RNF214: variants seen among roughly 807,000 people sequenced by gnomAD.
The protein encoded by RNF214 is ring finger protein 214.
RNF214 carries 25 observed loss-of-function variants against 75.9 expected under a neutral mutation model. That is an observed-to-expected ratio of 0.33 (90% CI 0.24 to 0.46). The LOEUF (loss-of-function observed/expected upper bound fraction) is 0.46, where lower values mean the gene tolerates loss of function less well. RNF214 is among the 20% of genes least tolerant of loss of function. The pLI, the probability that RNF214 is intolerant of heterozygous loss-of-function variation, is 1.00. For missense variants in RNF214, 725 were observed against 857.5 expected, an observed-to-expected ratio of 0.85 and a Z score of 1.93; for synonymous variants, 314 against 308.8, an observed-to-expected ratio of 1.02 and a Z score of -0.18.
At position 117,282,012 on chromosome 11, in the gene RNF214, C is replaced by G. The variant is rs750731603; in HGVS notation, c.1454C>G (p.Ser485Cys). 6.2e-7 allele frequency: 1 copy of G among 1,614,092 alleles called. No homozygotes were observed. The stretch of plus-strand genomic sequence containing the variant: ...CCCAGTGCAGATCCCCGCTCCTTGT[C>G]TTTCCCAATCCTGAACCCTGCCCTT... ...VMPSADPRSLSFPILNPALSQ... is the reference protein window; with the variant it reads ...VMPSADPRSLCFPILNPALSQ... Residue 485 changes from serine to cysteine, a missense_variant, in exon 11 of 15, where the codon TCT becomes TGT. Transcript: ENST00000300650.
chr11:117,247,079 C>A, intron 6 of RNF214, 131 bp downstream of exon 6: 1 of 683,714 alleles, frequency 1.5e-6, no homozygotes, highest in Non-Finnish European at 2.3e-6. Context: ...AGTAAAAACT[C>A]TCCAATGACT....
chr11:117,246,225 A>C (rs1415088017), intron 5 of RNF214, among the ~76,000 whole-genome samples: 1 of 152,118 alleles, frequency 6.6e-6, no homozygotes, highest in African/African-American at 2.4e-5. Flanking sequence ...TGGGTTCCCA[A>C]AGTACAAGGA....
chr11:117,237,174 G>A (rs769766451), intron 2 of RNF214, among the ~76,000 whole-genome samples: 10 of 152,116 alleles, frequency 6.6e-5, no homozygotes, highest in Non-Finnish European at 1.2e-4. Context: ...CCACCTCCTG[G>A]GCTTAAGCAG....
chr11:117,243,174 T>C (rs1206103600), intron 4 of RNF214, among the ~76,000 whole-genome samples: 1 of 152,032 alleles, frequency 6.6e-6, no homozygotes, highest in East Asian at 1.9e-4. Context: ...TGAGACGGAG[T>C]CTCGCTCTGT....
chr11:117,238,494 T>G (rs2032974109), intron 2 of RNF214, 107 bp from the exon 3 acceptor site: 3 of 952,268 alleles, frequency 3.2e-6, no homozygotes, highest in Non-Finnish European at 4.7e-6. Context: ...TGAAACTAAG[T>G]TCTTTCATTA....
rs1236145864 is a variant in RNF214 at position 117,232,700 on chromosome 11, C to G, written c.-33C>G. Reference sequence around the variant, plus strand: ...GACCCCTCCCCCCGTGGCTCGGCCGCCCCCTCCCCCCGCTCCGCCCGCTCA... The same window carrying G: ...GACCCCTCCCCCCGTGGCTCGGCCGGCCCCTCCCCCCGCTCCGCCCGCTCA... On this transcript the variant is annotated 5_prime_UTR_variant, in exon 1 of 15. Coordinates refer to ENST00000300650, the MANE Select transcript of RNF214 (RefSeq NM_207343.4). The G allele has an allele frequency of 6.6e-6, 1 of 150,864 alleles. No homozygotes were observed. 9.3% of individuals were successfully genotyped at this position (150,864 alleles called of 1,614,324 possible).
intron 6 of RNF214, among the ~76,000 whole-genome samples, chr11:117,266,564 C>T (rs1216179528): frequency 6.6e-6 from 1 of 151,976 alleles, no homozygotes; most frequent in Admixed American, 6.6e-5. Context: ...TTTGCCATGT[C>T]GCCCAGGCTG....
At chr11:117,249,059 A>G (rs562260219) in intron 6 of RNF214, among the ~76,000 whole-genome samples, 4 of 151,986 alleles carry the variant, frequency 2.6e-5, no homozygotes, top group African/African-American at 7.2e-5. Context: ...AGTATCTGGG[A>G]TTACAGGCGA....
Position 117,238,774 on chromosome 11 carries a change from T to C in RNF214, c.281T>C (p.Ile94Thr). 2 of 1,614,204 alleles carry C rather than the reference T, an allele frequency of 1.2e-6. No individual in the cohort carries two copies. Among genetic ancestry groups the C allele is most frequent in the Non-Finnish European group, 1.7e-6 (2 of 1,180,042 alleles). Residue 94 changes from isoleucine (I) to threonine (T), a missense_variant, in exon 3 of 15, where the codon ATA (isoleucine) becomes ACA (threonine). Coordinates refer to ENST00000300650, the MANE Select transcript of RNF214 (RefSeq NM_207343.4). ...CAGGTGGTTTTAGGAGAAAACTTGATAGCCACAGCCCTTTGTCTTTCTGGC... is the reference window on the plus strand; with the variant it reads ...CAGGTGGTTTTAGGAGAAAACTTGACAGCCACAGCCCTTTGTCTTTCTGGC... ...AHQVVLGENL[I>T]ATALCLSGSG...
chr11:117,236,979 G>A (rs2032928527), intron 2 of RNF214, among the ~76,000 whole-genome samples: 1 of 152,158 alleles, frequency 6.6e-6, no homozygotes, highest in Non-Finnish European at 1.5e-5. Flanking sequence ...TGTAAATGGT[G>A]GGCGGAGTCA....
At chr11:117,234,155 TTG>T (rs1473630401) in intron 1 of RNF214, 110 bp from the exon 2 acceptor site, 5 of 761,636 alleles carry the variant, frequency 6.6e-6, no homozygotes, top group Admixed American at 2.3e-5. Context: ...GCCCAGGTTT[TTG>T]TGTTTCTTTA....
intron 5 of RNF214, among the ~76,000 whole-genome samples, chr11:117,245,715 A>G (rs2033204399): frequency 6.6e-6 from 1 of 152,186 alleles, no homozygotes; most frequent in Admixed American, 6.5e-5. Flanking sequence ...TTTTTGAATT[A>G]GATCGATACT....
At chr11:117,252,832 T>A (rs1441359190) in intron 6 of RNF214, among the ~76,000 whole-genome samples, 3 of 152,194 alleles carry the variant, frequency 2.0e-5, no homozygotes, top group East Asian at 3.8e-4. Flanking sequence ...AAATTTTTTT[T>A]AATGTTTTAT....
At chr11:117,280,680 AAAAT>A (rs1433605216) in intron 8 of RNF214, among the ~76,000 whole-genome samples, 1 of 152,170 alleles carries the variant, frequency 6.6e-6, no homozygotes, top group Non-Finnish European at 1.5e-5. Context: ...TAAAAAATAA[AAAAT>A]AACCAGCATC....
chr11:117,236,884 C>T (rs1591815771), intron 2 of RNF214, among the ~76,000 whole-genome samples: 1 of 152,176 alleles, frequency 6.6e-6, no homozygotes, highest in Non-Finnish European at 1.5e-5. Flanking sequence ...TGCATTATCT[C>T]ATGTAATCCT....
intron 8 of RNF214, among the ~76,000 whole-genome samples, 183 bp downstream of exon 8, chr11:117,280,442 T>C (rs1041546624): frequency 1.3e-5 from 2 of 152,238 alleles, no homozygotes; most frequent in Non-Finnish European, 2.9e-5. Context: ...TAAAGTTCTG[T>C]ACTGTAACTC....
In RNF214 at chr11:117,279,888, C is replaced by A. The variant is rs760952849; in HGVS notation, c.960-20C>A. 1 of 1,572,072 alleles carries A rather than the reference C, an allele frequency of 6.4e-7. No individual in the cohort carries two copies. The highest frequency in any genetic ancestry group is 1.2e-5 in the South Asian group (1 of 86,262). On this transcript the variant is annotated intron_variant, in intron 6 of 14. Coordinates refer to ENST00000300650, the MANE Select transcript of RNF214 (RefSeq NM_207343.4). Reference sequence around the variant, plus strand: ...CTTATCTTTCTTCCTTAGTCTTGTTCTTGGTTTCTTATCTTACAGAGAGGT... The same window carrying A: ...CTTATCTTTCTTCCTTAGTCTTGTTATTGGTTTCTTATCTTACAGAGAGGT...
Position 117,238,962 on chromosome 11 carries a change from A to G in RNF214, c.469A>G (p.Thr157Ala), listed in dbSNP as rs2134355996. The part of the protein sequence containing the change: ...RNCSEEKSPQ[T>A]SILKEGNRDT... ...TTGCTCTGAAGAGAAATCCCCACAA[A>G]CCTCCATCCTAAAGGAAGGTAACAG... Residue 157 changes from threonine to alanine, a missense_variant, in exon 3 of 15, where the codon ACC (threonine) becomes GCC (alanine). Physicochemically the swap from Thr to Ala is moderately conservative, Grantham distance 58. This residue lies in a region of RNF214 where 362 missense variants were observed against 344.5 expected (regional missense o/e 1.05). Transcript: ENST00000300650. 3.7e-6 allele frequency: 6 copies of G among 1,613,906 alleles called. No homozygotes were observed. The highest frequency in any genetic ancestry group is 5.1e-6 in the Non-Finnish European group (6 of 1,179,994).
At chr11:117,248,752 A>T (rs80124566) in intron 6 of RNF214, among the ~76,000 whole-genome samples, 5,759 of 152,270 alleles carry the variant, frequency 0.038, 336 homozygotes, top group African/African-American at 0.13. Flanking sequence ...TGATCAAAGC[A>T]GTTGCTCCCA....
Sources: gnomAD v4.1 joint callset for allele counts (sites outside exome capture counted in the v4.1 genomes callset) on GRCh38, gnomAD v4.1.1 for gene constraint, gnomAD v4.1.1 regional missense constraint, MANE v1.5 for transcripts, NCBI Gene and HGNC (gene_info 2026-07-23, HGNC 2026-07-21) for gene names.